NUP188: variants seen among roughly 807,000 people sequenced by gnomAD.
The protein encoded by NUP188 is nucleoporin NUP188.
NUP188 carries 97 observed loss-of-function variants against 223.0 expected under a neutral mutation model. The observed-to-expected ratio is 0.43, with a 90% confidence interval of 0.37 to 0.51. The LOEUF (loss-of-function observed/expected upper bound fraction) is 0.51. Ranked by LOEUF, NUP188 falls within the 20% of genes least tolerant of loss-of-function variation. The pLI, the probability that NUP188 is intolerant of heterozygous loss-of-function variation, is 0.00. For synonymous variants in NUP188, 869 were observed against 828.0 expected, an observed-to-expected ratio of 1.05 and a Z score of -0.85; for missense variants, 1,947 against 2,175.6, an observed-to-expected ratio of 0.89 and a Z score of 2.09.
chr9:128,962,888 CAT>C (rs1462665673), intron 8 of NUP188, among the ~76,000 whole-genome samples: 1 of 152,142 alleles, frequency 6.6e-6, no homozygotes, highest in South Asian at 2.1e-4. Context: ...ATAAAATAGA[CAT>C]AGCATAAAAT....
intron 4 of NUP188, among the ~76,000 whole-genome samples, chr9:128,956,731 A>G (rs1379262055): frequency 6.6e-6 from 1 of 152,184 alleles, no homozygotes; most frequent in African/African-American, 2.4e-5. Context: ...GTGAATAAGC[A>G]TCGTTGTTTC....
In NUP188 at chr9:128,980,486, G is replaced by A. The variant is rs893586102; in HGVS notation, c.1270-120G>A. 5.7e-5 allele frequency: 54 copies of A among 948,212 alleles called. No individual in the cohort carries two copies. The African/African-American group carries it at 7.0e-4, about 12-fold the overall frequency. 58.7% of individuals were successfully genotyped at this position (948,212 alleles called of 1,614,324 possible). A position where few individuals can be genotyped will look rare whatever the true frequency, so the allele number is the denominator to read the frequency against. ...TGAAAGTCTTAAATTATTAAGGAGG[G>A]ATGATATCTGTCTAAAAGGAAGGAT... On this transcript the variant is annotated intron_variant, in intron 13 of 43. Coordinates refer to ENST00000372577, the MANE Select transcript of NUP188 (RefSeq NM_015354.3).
At chr9:128,982,847 C>A in intron 16 of NUP188, 55 bp from the exon 17 acceptor site, 2 of 1,608,582 alleles carry the variant, frequency 1.2e-6, no homozygotes, top group South Asian at 1.1e-5. Context: ...AGAGACTGTT[C>A]AGTGATCTTA....
In NUP188 at chr9:129,001,865, T is replaced by C. The variant is rs747553977; in HGVS notation, c.4045-19T>C. 1.3e-5 allele frequency: 21 copies of C among 1,611,702 alleles called. No individual in the cohort carries two copies. In the East Asian group the frequency reaches 3.6e-4, roughly 27 times the overall value. ...CAGGGGCAGGCTCCATCTCATTTCC[T>C]GTCTTTCCCTCCTCCCAGGGAGCCA... On this transcript the variant is annotated intron_variant, in intron 35 of 43. Transcript: ENST00000372577.
intron 12 of NUP188, among the ~76,000 whole-genome samples, chr9:128,975,464 C>T (rs1405880831): frequency 6.6e-5 from 10 of 151,796 alleles, no homozygotes; most frequent in African/African-American, 1.5e-4. Flanking sequence ...CCTCGTGATC[C>T]GCCCGCCTCA....
chr9:128,949,722 G>A (rs1013411039), intron 2 of NUP188, among the ~76,000 whole-genome samples: 1 of 151,770 alleles, frequency 6.6e-6, no homozygotes, highest in East Asian at 1.9e-4. Context: ...TCCGCCTCCC[G>A]AGTTCAAGCG....
At chr9:128,988,265 C>A in intron 24 of NUP188, 79 bp downstream of exon 24, 1 of 1,507,830 alleles carries the variant, frequency 6.6e-7, no homozygotes, top group Non-Finnish European at 9.1e-7. Context: ...GTATCTTAGG[C>A]AGTGTTTTTG....
intron 3 of NUP188, among the ~76,000 whole-genome samples, chr9:128,955,817 G>A (rs1375520852): frequency 6.6e-6 from 1 of 150,580 alleles, no homozygotes; most frequent in Non-Finnish European, 1.5e-5. Flanking sequence ...TATAAAGCAG[G>A]ATCTGGGTGC....
chr9:128,992,711 A>G (rs901928378), intron 25 of NUP188, among the ~76,000 whole-genome samples: 2 of 152,094 alleles, frequency 1.3e-5, no homozygotes, highest in African/African-American at 2.4e-5. Flanking sequence ...GTCTTTCACT[A>G]TTACAAGCAG....
chr9:129,005,887 C>G, intron 41 of NUP188, 111 bp downstream of exon 41: 1 of 1,441,436 alleles, frequency 6.9e-7, no homozygotes, highest in Non-Finnish European at 9.5e-7. Flanking sequence ...CCCAAGCCTG[C>G]TCCTCTCTGT....
At chr9:128,947,786 G>A in intron 1 of NUP188, 35 bp downstream of exon 1, 1 of 1,380,752 alleles carries the variant, frequency 7.2e-7, no homozygotes, top group South Asian at 1.7e-5. Context: ...GGGTGGCTGT[G>A]AAGCGCGGTG....
In NUP188 at chr9:128,989,000, C is replaced by T. The variant is rs192820922; in HGVS notation, c.2533+814C>T. Among the ~76,000 whole-genome samples the T allele has an allele frequency of 6.5e-3, 988 of 152,068 alleles. 3 individuals are homozygous for T. The highest frequency in any genetic ancestry group is 0.012 in the Non-Finnish European group (794 of 67,974). Reference sequence around the variant, plus strand: ...GAACTCCTGACCTCAGGTGACTTGCCCTCTTTGGCCTCCCAAAGTGCTGGG... The same window carrying T: ...GAACTCCTGACCTCAGGTGACTTGCTCTCTTTGGCCTCCCAAAGTGCTGGG... On this transcript the variant is annotated intron_variant, in intron 24 of 43. Coordinates refer to ENST00000372577, the MANE Select transcript of NUP188 (RefSeq NM_015354.3).
chr9:128,954,533 C>T (rs1041499574), intron 3 of NUP188, among the ~76,000 whole-genome samples: 9 of 152,058 alleles, frequency 5.9e-5, no homozygotes, highest in South Asian at 2.1e-4. Context: ...TACAGGCGCC[C>T]GCCACCACGC....
intron 22 of NUP188, among the ~76,000 whole-genome samples, chr9:128,987,088 A>AGAGAGTGTGTGTGTGTGT (rs1450678206): frequency 8.8e-6 from 1 of 113,262 alleles, no homozygotes; most frequent in Non-Finnish European, 1.8e-5. Context: ...AGAGAGAGAG[A>AGAGAGTGTGTGTGTGTGT]GTGTGTGTGT....
chr9:129,003,888 G>A (rs1480412538), intron 38 of NUP188: 2 of 297,016 alleles, frequency 6.7e-6, no homozygotes, highest in East Asian at 1.4e-4. Context: ...TGGGAGAATC[G>A]CTTGAACCTG....
At position 128,990,115 on chromosome 9, in the gene NUP188, T is replaced by C; in HGVS notation, c.2534-5T>C. 6.2e-7 allele frequency: 1 copy of C among 1,605,818 alleles called. No homozygotes were observed. Among genetic ancestry groups the C allele is most frequent in the Non-Finnish European group, 8.5e-7 (1 of 1,172,396 alleles). ...ATATCTAAACTGTTTCCTGTGCTGC[T>C]TTAGGTGCTCATGGAAACAACCTCA... On this transcript the variant is annotated splice_region_variant and splice_polypyrimidine_tract_variant and intron_variant, in intron 24 of 43. Transcript: ENST00000372577.
Position 129,005,340 on chromosome 9 carries a change from A to C in NUP188, c.4547A>C (p.Gln1516Pro), listed in dbSNP as rs1308128579. Reference sequence around the variant, plus strand: ...GATGGCCTCCCCTCAGCTGTTGCCCAGCGAGTCCAGAGGCCACCGTCTGCT... The same window carrying C: ...GATGGCCTCCCCTCAGCTGTTGCCCCGCGAGTCCAGAGGCCACCGTCTGCT... ...NGDGLPSAVA[Q>P]RVQRPPSAAS... The change falls in exon 40 of 44, where the codon CAG (glutamine) becomes CCG (proline). Residue 1516 changes from glutamine (Q) to proline (P), a missense_variant. This residue lies in a region of NUP188 where 905 missense variants were observed against 990.6 expected (regional missense o/e 0.91). Transcript: ENST00000372577. 2 of 1,613,974 alleles carry C rather than the reference A, an allele frequency of 1.2e-6. No homozygotes were observed.
chr9:128,962,353 G>A lies in NUP188; in HGVS notation c.585+3219G>A, dbSNP rs570138834. Among the ~76,000 whole-genome samples the A allele has an allele frequency of 2.4e-3, 353 of 149,722 alleles. 3 individuals carry two copies. Among genetic ancestry groups the A allele is most frequent in the African/African-American group, 8.2e-3 (331 of 40,596 alleles). On this transcript the variant is annotated intron_variant, in intron 8 of 43. Transcript: ENST00000372577. ...AAGCTCCACCTCTCGGGTTCACGCC[G>A]TTCTCCTGCCTCAGTCTCCCAAGTA...
intron 8 of NUP188, among the ~76,000 whole-genome samples, chr9:128,963,402 C>T (rs1037787249): frequency 6.6e-6 from 1 of 151,676 alleles, no homozygotes. Flanking sequence ...TGTCCTGCCT[C>T]AGCCTCCTGA....
Sources: allele counts gnomAD v4.1 joint callset (sites outside exome capture counted in the v4.1 genomes callset), GRCh38; gene constraint gnomAD v4.1.1; regional missense constraint gnomAD v4.1.1; transcripts MANE v1.5; gene names NCBI Gene and HGNC (gene_info 2026-07-23, HGNC 2026-07-21).